The following EBF2 variants were observed in gnomAD, a reference collection of about 807,000 sequenced individuals.
EBF2 encodes the protein transcription factor COE2.
A neutral mutation model predicts 72.8 loss-of-function variants in EBF2; 21 were observed. The observed-to-expected ratio is 0.29, with a 90% CI of 0.20 to 0.42. The LOEUF is 0.42. Ranked by LOEUF, EBF2 falls within the 10% of genes least tolerant of loss-of-function variation. EBF2 has a pLI of 1.00. For missense variants in EBF2, 637 were observed against 731.2 expected, an observed-to-expected ratio of 0.87 and a Z score of 1.49; for synonymous variants, 299 against 274.2, an observed-to-expected ratio of 1.09 and a Z score of -0.89.
At chr8:26,032,895 C>G in intron 6 of EBF2, 190 bp downstream of exon 6, 1 of 587,632 alleles carries the variant, frequency 1.7e-6, no homozygotes, top group Admixed American at 3.0e-5. Flanking sequence ...TTTAGAGACA[C>G]GTGTTCCAAA....
chr8:25,963,035 G>A (rs1804059739), intron 6 of EBF2, among the ~76,000 whole-genome samples: 2 of 152,148 alleles, frequency 1.3e-5, no homozygotes, highest in Admixed American at 1.3e-4. Flanking sequence ...ATTAGACATG[G>A]GAGTCTCCAA....
intron 3 of EBF2, 40 bp downstream of exon 3, chr8:26,040,899 C>T: frequency 6.2e-7 from 1 of 1,613,332 alleles, no homozygotes; most frequent in Admixed American, 1.7e-5. Flanking sequence ...CGGAAGCCGG[C>T]TGCTAGGCGC....
chr8:25,972,571 C>T (rs1464557472), intron 6 of EBF2, among the ~76,000 whole-genome samples: 1 of 151,656 alleles, frequency 6.6e-6, no homozygotes, highest in Admixed American at 6.6e-5. Context: ...ACTGTCAGAG[C>T]AAAAAAAGGA....
At chr8:26,021,118 G>A (rs1445377198) in intron 6 of EBF2, among the ~76,000 whole-genome samples, 1 of 152,148 alleles carries the variant, frequency 6.6e-6, no homozygotes, top group Admixed American at 6.5e-5. Flanking sequence ...TGGACACTAA[G>A]CAAAAACAAT....
intron 10 of EBF2, among the ~76,000 whole-genome samples, chr8:25,869,362 C>T (rs2117271466): frequency 6.6e-6 from 1 of 152,194 alleles, no homozygotes; most frequent in East Asian, 1.9e-4. Context: ...TGGTGTCTCC[C>T]CCATCACTTC....
intron 6 of EBF2, among the ~76,000 whole-genome samples, chr8:26,016,212 G>T (rs373953136): frequency 4.6e-5 from 7 of 152,128 alleles, no homozygotes; most frequent in South Asian, 2.1e-4. Flanking sequence ...ATAGAGCAGC[G>T]ATTCATTCAT....
chr8:25,912,038 T>G (rs1171530118), intron 6 of EBF2, among the ~76,000 whole-genome samples: 1 of 152,048 alleles, frequency 6.6e-6, no homozygotes, highest in African/African-American at 2.4e-5. Context: ...CTACATAACC[T>G]CTAACAATCC....
rs74493969 is a variant in EBF2 at position 25,975,032 on chromosome 8, A to G, written c.551+58053T>C. Among the ~76,000 whole-genome samples the G allele has an allele frequency of 2.2e-3, 334 of 152,276 alleles. 6 individuals are homozygous for G. In the East Asian group the frequency reaches 0.031, roughly 14 times the overall value. ...TTTCTACCAGAGAAACAAAGCAAAG[A>G]GATTAATCAGAGACCACAAAGTTAA... On this transcript the variant is annotated intron_variant, in intron 6 of 15. Coordinates refer to ENST00000520164, the MANE Select transcript of EBF2 (RefSeq NM_022659.4).
rs56231129 is a variant in EBF2, at chr8:26,002,503, G to A, written c.551+30582C>T. 3.7e-3 allele frequency among the ~76,000 whole-genome samples: 557 copies of A among 152,266 alleles called. 2 individuals are homozygous for A. The highest frequency in any genetic ancestry group is 0.013 in the African/African-American group (537 of 41,560). ...TATGACAGCGCCAGTTCTTCGGCAA[G>A]GGCCCGGGGCTGAGCACTTCTCTGC... On this transcript the variant is annotated intron_variant, in intron 6 of 15. Coordinates refer to ENST00000520164, the MANE Select transcript of EBF2 (RefSeq NM_022659.4).
At chr8:25,938,399 T>C (rs1239643774) in intron 6 of EBF2, among the ~76,000 whole-genome samples, 1 of 151,966 alleles carries the variant, frequency 6.6e-6, no homozygotes, top group Non-Finnish European at 1.5e-5. Flanking sequence ...CTAGTTTTTT[T>C]TTTGTCTTTC....
At chr8:25,945,877 T>C (rs1196307834) in intron 6 of EBF2, among the ~76,000 whole-genome samples, 1 of 152,040 alleles carries the variant, frequency 6.6e-6, no homozygotes, top group Non-Finnish European at 1.5e-5. Flanking sequence ...AAACGGTCTT[T>C]CATTCTAAAG....
At chr8:25,988,909 C>T (rs1453277133) in intron 6 of EBF2, among the ~76,000 whole-genome samples, 3 of 152,274 alleles carry the variant, frequency 2.0e-5, no homozygotes, top group Middle Eastern at 3.4e-3. Flanking sequence ...AAACTATGTT[C>T]GTTCTGCAAA....
intron 13 of EBF2, among the ~76,000 whole-genome samples, chr8:25,859,289 G>T (rs1412576269): frequency 2.6e-5 from 4 of 152,212 alleles, no homozygotes; most frequent in African/African-American, 9.6e-5. Flanking sequence ...AATTTAACAT[G>T]CCATAGCATC....
At chr8:25,897,482 C>T (rs1802879411) in intron 7 of EBF2, among the ~76,000 whole-genome samples, 1 of 152,042 alleles carries the variant, frequency 6.6e-6, no homozygotes, top group South Asian at 2.1e-4. Context: ...AGCATAATTC[C>T]TAATAGGTAG....
chr8:25,986,474 T>C (rs1299687431), intron 6 of EBF2, among the ~76,000 whole-genome samples: 2 of 152,216 alleles, frequency 1.3e-5, no homozygotes. Context: ...AGTTCTGTCA[T>C]GTCCACCACG....
At chr8:25,909,935 C>T (rs1803099966) in intron 6 of EBF2, among the ~76,000 whole-genome samples, 1 of 152,102 alleles carries the variant, frequency 6.6e-6, no homozygotes, top group African/African-American at 2.4e-5. Flanking sequence ...GATTTTATAA[C>T]ATCTGCTTTT....
At chr8:25,881,801 C>G (rs1215650791) in intron 10 of EBF2, among the ~76,000 whole-genome samples, 1 of 152,156 alleles carries the variant, frequency 6.6e-6, no homozygotes, top group Non-Finnish European at 1.5e-5. Flanking sequence ...GGAGGAACAC[C>G]TGGGTGGCTG....
intron 6 of EBF2, among the ~76,000 whole-genome samples, chr8:25,958,016 G>A (rs1307662496): frequency 6.6e-6 from 1 of 152,210 alleles, no homozygotes; most frequent in African/African-American, 2.4e-5. Flanking sequence ...CCAAGGGAGA[G>A]GGCTCATGTG....
At chr8:25,867,233 T>C (rs927634553) in intron 10 of EBF2, among the ~76,000 whole-genome samples, 1 of 152,240 alleles carries the variant, frequency 6.6e-6, no homozygotes, top group Non-Finnish European at 1.5e-5. Flanking sequence ...TTTTATTTCA[T>C]ATGAGCTTTG....
Sources: allele counts gnomAD v4.1 joint callset (sites outside exome capture counted in the v4.1 genomes callset), GRCh38; gene constraint gnomAD v4.1.1; transcripts MANE v1.5; gene names NCBI Gene and HGNC (gene_info 2026-07-23, HGNC 2026-07-21).